FAM13B: variants seen among roughly 807,000 people sequenced by gnomAD.
The protein encoded by FAM13B is protein FAM13B.
In FAM13B, 60 loss-of-function variants were observed where a neutral mutation model predicts 117.3. That is an observed-to-expected ratio of 0.51 (90% CI 0.42 to 0.63). FAM13B has a LOEUF of 0.63. Ranked by LOEUF, FAM13B falls within the 30% of genes least tolerant of loss-of-function variation. FAM13B has a pLI of 0.00. For missense variants in FAM13B, 972 were observed against 1,091.9 expected (o/e 0.89, Z 1.55); for synonymous variants, 332 against 356.1 (o/e 0.93, Z 0.76).
chr5:138,013,797 G>A (rs767460383), intron 4 of FAM13B, among the ~76,000 whole-genome samples: 1 of 152,106 alleles, frequency 6.6e-6, no homozygotes, highest in African/African-American at 2.4e-5. Flanking sequence ...ATATAATGAA[G>A]ATACCAACAC....
chr5:137,951,209 C>CAAAAAAAAA (rs1158310740), intron 17 of FAM13B, among the ~76,000 whole-genome samples: 9 of 63,144 alleles, frequency 1.4e-4, no homozygotes, highest in Middle Eastern at 0.018. Context: ...CTGTCTCAAA[C>CAAAAAAAAA]AAAAAAAAAA....
chr5:137,982,323 C>T (rs1245748695), intron 10 of FAM13B, among the ~76,000 whole-genome samples: 3 of 152,134 alleles, frequency 2.0e-5, no homozygotes, highest in African/African-American at 7.2e-5. Context: ...GAGGCCACGG[C>T]AGGCAGATCA....
intron 1 of FAM13B, among the ~76,000 whole-genome samples, chr5:138,030,691 G>C (rs116251697): frequency 0.011 from 1,692 of 149,532 alleles, 27 homozygotes; most frequent in African/African-American, 0.04. Flanking sequence ...TTCAGCCTGG[G>C]CAACAAGAAT....
intron 10 of FAM13B, among the ~76,000 whole-genome samples, chr5:137,966,492 G>GAGAGAGAGAA (rs1769953115): frequency 1.1e-5 from 1 of 89,870 alleles, no homozygotes; most frequent in Non-Finnish European, 2.2e-5. Context: ...TATATATAGA[G>GAGAGAGAGAA]AGAGAGAGAG....
intron 22 of FAM13B, 134 bp from the exon 23 acceptor site, chr5:137,942,179 A>T (rs1356416709): frequency 3.0e-6 from 2 of 666,908 alleles, no homozygotes; most frequent in African/African-American, 1.8e-5. Flanking sequence ...TCCACTGCAA[A>T]CCAATGAAAT....
chr5:137,996,014 C>T (rs1211790989), intron 7 of FAM13B, among the ~76,000 whole-genome samples: 2 of 152,126 alleles, frequency 1.3e-5, no homozygotes, highest in Admixed American at 6.5e-5. Flanking sequence ...AAATATTTTG[C>T]AAACTGTATG....
In FAM13B at chr5:137,962,466, C is replaced by A; in HGVS notation, c.1183G>T (p.Val395Leu). Residue 395 changes from valine to leucine, a missense_variant, in exon 11 of 24, where the codon GTA becomes TTA. By Grantham distance (32) the Val-to-Leu change is conservative. Coordinates refer to ENST00000689681, the MANE Select transcript of FAM13B (RefSeq NM_001385994.1). Reference protein sequence around the residue: ...VFENEENTQSVGILLEPCSDR... With the variant: ...VFENEENTQSLGILLEPCSDR... ...CTGCATGGCTCTAACAATATACCTA[C>A]AGACTGACAAAAAGAACACTACCAT... is the stretch of plus-strand genomic sequence containing the variant. 1 of 1,613,210 alleles carries A rather than the reference C, an allele frequency of 6.2e-7. No homozygotes were observed. Among genetic ancestry groups the A allele is most frequent in the South Asian group, 1.1e-5 (1 of 90,802 alleles).
chr5:138,024,099 T>A (rs900710051), intron 1 of FAM13B, among the ~76,000 whole-genome samples: 4 of 152,050 alleles, frequency 2.6e-5, no homozygotes, highest in Non-Finnish European at 5.9e-5. Flanking sequence ...TTAAATCACA[T>A]AAATATTCCC....
At chr5:138,033,487 A>G (rs185501900), upstream of FAM13B, among the ~76,000 whole-genome samples, 126 of 152,308 alleles carry the variant, frequency 8.3e-4, no homozygotes, top group African/African-American at 2.9e-3. Context: ...TTCGGTTCCC[A>G]TTCCCAGAGA....
intron 18 of FAM13B, among the ~76,000 whole-genome samples, chr5:137,948,648 A>G (rs1764082651): frequency 6.6e-6 from 1 of 151,982 alleles, no homozygotes; most frequent in African/African-American, 2.4e-5. Context: ...TCCTGCCTCG[A>G]CCTCTGAAAT....
intron 1 of FAM13B, among the ~76,000 whole-genome samples, chr5:138,047,180 G>T (rs544497595): frequency 6.6e-6 from 1 of 152,054 alleles, no homozygotes; most frequent in South Asian, 2.1e-4. Flanking sequence ...CATAAAGATG[G>T]CTAGTGTAGG....
chr5:137,999,613 T>C (rs1191015673), intron 7 of FAM13B, among the ~76,000 whole-genome samples: 1 of 152,124 alleles, frequency 6.6e-6, no homozygotes. Context: ...TTCCATATTT[T>C]AGGTATTTGT....
intron 10 of FAM13B, among the ~76,000 whole-genome samples, chr5:137,972,890 C>A (rs1418397351): frequency 4.0e-5 from 6 of 151,652 alleles, no homozygotes; most frequent in African/African-American, 9.7e-5. Flanking sequence ...ACCTAGGAAT[C>A]CAACTTACAA....
chr5:138,043,208 A>G (rs901384823), intron 1 of FAM13B, among the ~76,000 whole-genome samples: 1 of 152,132 alleles, frequency 6.6e-6, no homozygotes, highest in African/African-American at 2.4e-5. Context: ...TATAAAAAAT[A>G]AAATTAAAAA....
At chr5:137,972,808 C>T (rs1406799172) in intron 10 of FAM13B, among the ~76,000 whole-genome samples, 2 of 152,196 alleles carry the variant, frequency 1.3e-5, no homozygotes, top group Non-Finnish European at 2.9e-5. Flanking sequence ...CTTTCTTATA[C>T]ACCAACAACA....
chr5:137,939,440 G>C lies in FAM13B; in HGVS notation c.*785C>G, dbSNP rs1761027614. On this transcript the variant is annotated 3_prime_UTR_variant, in exon 24 of 24. Coordinates refer to ENST00000689681, the MANE Select transcript of FAM13B (RefSeq NM_001385994.1). ...TGGGGAATAGCGCGGATCTGATCCA[G>C]ACAAATCACACCATTGCCAGCGGAT... 6.5e-6 allele frequency: 1 copy of C among 152,832 alleles called. No individual in the cohort carries two copies. Among genetic ancestry groups the C allele is most frequent in the Non-Finnish European group, 1.5e-5 (1 of 68,236 alleles). 9.5% of individuals were successfully genotyped at this position (152,832 alleles called of 1,614,324 possible).
chr5:137,943,062 A>C, intron 21 of FAM13B, 24 bp from the exon 22 acceptor site: 1 of 1,612,828 alleles, frequency 6.2e-7, no homozygotes, highest in South Asian at 1.1e-5. Context: ...CAAACAGAGA[A>C]TCAAACATGC....
intron 1 of FAM13B, among the ~76,000 whole-genome samples, chr5:138,049,011 GGCT>G (rs1791721014): frequency 6.9e-6 from 1 of 144,676 alleles, no homozygotes; most frequent in African/African-American, 2.6e-5. Context: ...GTGAGATCTT[GGCT>G]CACTGCAACC....
At chr5:137,965,964 T>C (rs1019192910) in intron 10 of FAM13B, among the ~76,000 whole-genome samples, 1 of 147,958 alleles carries the variant, frequency 6.8e-6, no homozygotes, top group African/African-American at 2.5e-5. Context: ...TACACTTTTT[T>C]TTTTCACCTT....
Sources: allele counts gnomAD v4.1 joint callset (sites outside exome capture counted in the v4.1 genomes callset), GRCh38; gene constraint gnomAD v4.1.1; transcripts MANE v1.5; gene names NCBI Gene and HGNC (gene_info 2026-07-23, HGNC 2026-07-21).